The following RGS9 variants were observed in gnomAD, a reference collection of about 807,000 sequenced individuals.
RGS9 encodes regulator of G protein signaling 9.
RGS9 carries 78 observed loss-of-function variants against 102.0 expected under a neutral mutation model. That is an observed-to-expected ratio of 0.76 (90% CI 0.64 to 0.92). The LOEUF is 0.92. Ranked by LOEUF, RGS9 falls within the 40% of genes least tolerant of loss-of-function variation. RGS9 has a pLI of 0.00. For missense variants in RGS9, 833 were observed against 866.1 expected (o/e 0.96, Z 0.48); for synonymous variants, 353 against 318.6 (o/e 1.11, Z -1.15).
chr17:65,145,318 C>G (rs1209617552), intron 1 of RGS9, among the ~76,000 whole-genome samples: 1 of 152,002 alleles, frequency 6.6e-6, no homozygotes, highest in African/African-American at 2.4e-5. Flanking sequence ...GTCTCAAACT[C>G]CTGACCTCAT....
At chr17:65,178,180 A>T (rs1325308623) in intron 9 of RGS9, among the ~76,000 whole-genome samples, 1 of 152,190 alleles carries the variant, frequency 6.6e-6, no homozygotes, top group Non-Finnish European at 1.5e-5. Context: ...CAGTTCCTTG[A>T]TCCTGAGGAG....
At chr17:65,186,374 C>A (rs2144055428) in intron 9 of RGS9, among the ~76,000 whole-genome samples, 1 of 151,722 alleles carries the variant, frequency 6.6e-6, no homozygotes, top group East Asian at 1.9e-4. Context: ...CATCACCATG[C>A]CCGGCTAATT....
intron 1 of RGS9, among the ~76,000 whole-genome samples, chr17:65,144,738 GA>G (rs1910289121): frequency 1.3e-5 from 2 of 152,130 alleles, no homozygotes. Flanking sequence ...GAGAACTTGG[GA>G]AACAGTTCAG....
chr17:65,163,325 C>G (rs1213066157), intron 7 of RGS9, among the ~76,000 whole-genome samples: 1 of 151,546 alleles, frequency 6.6e-6, no homozygotes, highest in Non-Finnish European at 1.5e-5. Flanking sequence ...AGGCACCCAG[C>G]ACCATGCCTG....
chr17:65,218,883 G>A (rs1913603898), intron 17 of RGS9, among the ~76,000 whole-genome samples: 2 of 152,264 alleles, frequency 1.3e-5, no homozygotes, highest in African/African-American at 4.8e-5. Context: ...TCACCAGTGA[G>A]CAAGAGAGAC....
At chr17:65,156,988 A>G (rs1170249294) in intron 2 of RGS9, among the ~76,000 whole-genome samples, 1 of 152,112 alleles carries the variant, frequency 6.6e-6, no homozygotes, top group East Asian at 1.9e-4. Flanking sequence ...GCATGAAGGG[A>G]AGAATTACAG....
intron 1 of RGS9, among the ~76,000 whole-genome samples, chr17:65,142,414 A>G (rs1322769061): frequency 1.3e-5 from 2 of 152,190 alleles, no homozygotes; most frequent in Non-Finnish European, 2.9e-5. Context: ...ATATGCTAGA[A>G]AGATGATTCT....
In RGS9 at chr17:65,219,210, C is replaced by T. The variant is rs540137557; in HGVS notation, c.1408-5792C>T. On this transcript the variant is annotated intron_variant, in intron 17 of 18. Coordinates refer to ENST00000262406, the MANE Select transcript of RGS9 (RefSeq NM_003835.4). ...TCAACTCCAGGTATCAGCTCTTTTCCACCTTGCACCTCCCTCTCCCCAACA... is the reference window on the plus strand; with the variant it reads ...TCAACTCCAGGTATCAGCTCTTTTCTACCTTGCACCTCCCTCTCCCCAACA... Among the ~76,000 whole-genome samples the T allele has an allele frequency of 9.2e-5, 14 of 152,296 alleles. No individual in the cohort carries two copies. The South Asian group carries it at 2.1e-3, about 23-fold the overall frequency.
rs78743706 is a variant in RGS9, at chr17:65,194,725, G to A, written c.860+1069G>A. Among the ~76,000 whole-genome samples, 891 of 152,250 alleles carry A rather than the reference G, an allele frequency of 5.9e-3. 7 individuals carry two copies. Among genetic ancestry groups the A allele is most frequent in the African/African-American group, 0.021 (853 of 41,536 alleles). ...AAGGGTGTAATGGTCAAATTAGAGG[G>A]AGAGAGAGAGGAGGACAGGGGAGAA... On this transcript the variant is annotated intron_variant, in intron 12 of 18. Transcript: ENST00000262406.
chr17:65,198,865 C>T (rs1298067937), intron 13 of RGS9, among the ~76,000 whole-genome samples: 1 of 152,186 alleles, frequency 6.6e-6, no homozygotes, highest in African/African-American at 2.4e-5. Flanking sequence ...ATAATCATCT[C>T]CCTAATCAAG....
chr17:65,220,575 C>T (rs932570275), intron 17 of RGS9, among the ~76,000 whole-genome samples: 1 of 150,842 alleles, frequency 6.6e-6, no homozygotes, highest in African/African-American at 2.4e-5. Flanking sequence ...TGCTTGGGGG[C>T]GGTGGGGAAG....
chr17:65,170,910 G>T (rs1343704381), intron 8 of RGS9, among the ~76,000 whole-genome samples: 1 of 152,152 alleles, frequency 6.6e-6, no homozygotes, highest in Non-Finnish European at 1.5e-5. Context: ...GCCTGTGGGG[G>T]TGGAAGGTAG....
chr17:65,183,061 AATCT>A (rs68149271), intron 9 of RGS9, among the ~76,000 whole-genome samples: 56,255 of 113,790 alleles, frequency 0.49, 12,324 homozygotes, highest in Non-Finnish European at 0.55. Flanking sequence ...AATTTTTTTA[AATCT>A]ATCTATCTAT....
At position 65,227,658 on chromosome 17, in the gene RGS9, C is replaced by T; in HGVS notation, c.*251C>T. 1 of 548,986 alleles carries T rather than the reference C, an allele frequency of 1.8e-6. No homozygotes were observed. Among genetic ancestry groups the T allele is most frequent in the South Asian group, 2.1e-5 (1 of 48,732 alleles). The allele number at this position is 548,986 out of a possible 1,614,324, so 34.0% of individuals were successfully genotyped here. ...ACGCATGTGGACCAGAAGACTTTCCCTGCTGCCTTAAAACCAATAAAAGGT... is the reference window on the plus strand; with the variant it reads ...ACGCATGTGGACCAGAAGACTTTCCTTGCTGCCTTAAAACCAATAAAAGGT... On this transcript the variant is annotated 3_prime_UTR_variant, in exon 19 of 19. Transcript: ENST00000262406.
chr17:65,204,323 A>G lies in RGS9; in HGVS notation c.1203+22A>G, dbSNP rs76749648. Reference sequence around the variant, plus strand: ...GAAGGTAGGTGGGTCCGTGCTGTGGATACGGGGTCCAGATAGGCTTTCTGT... The same window carrying G: ...GAAGGTAGGTGGGTCCGTGCTGTGGGTACGGGGTCCAGATAGGCTTTCTGT... On this transcript the variant is annotated intron_variant, in intron 15 of 18. Coordinates refer to ENST00000262406, the MANE Select transcript of RGS9 (RefSeq NM_003835.4). The G allele has an allele frequency of 0.089, 143,664 of 1,612,944 alleles. 6,997 individuals carry two copies. The highest frequency in any genetic ancestry group is 0.16 in the Middle Eastern group (946 of 5,818).
intron 1 of RGS9, among the ~76,000 whole-genome samples, chr17:65,147,068 G>A (rs1027472812): frequency 6.6e-6 from 1 of 152,124 alleles, no homozygotes; most frequent in African/African-American, 2.4e-5. Flanking sequence ...CACCCTCCTG[G>A]CGTTGTCCCT....
chr17:65,222,182 C>T (rs1001541734), intron 17 of RGS9, among the ~76,000 whole-genome samples: 2 of 152,234 alleles, frequency 1.3e-5, no homozygotes, highest in Non-Finnish European at 2.9e-5. Flanking sequence ...GGGCCACCTG[C>T]ATTCCTTGAG....
intron 8 of RGS9, among the ~76,000 whole-genome samples, chr17:65,170,077 T>C (rs971216731): frequency 7.0e-6 from 1 of 143,118 alleles, no homozygotes; most frequent in African/African-American, 2.7e-5. Flanking sequence ...TTTTCTGAGA[T>C]GGAGCCTTGC....
rs78836854 is a variant in RGS9, at chr17:65,173,592, G to T, written c.583-4140G>T. Among the ~76,000 whole-genome samples the T allele has an allele frequency of 6.6e-6, 1 of 152,236 alleles. No individual in the cohort carries two copies. The highest frequency in any genetic ancestry group is 2.4e-5 in the African/African-American group (1 of 41,456). ...CTGGTGTTCACAGTTCCTCAGGGTG[G>T]AGGAGGGGAGCTTGCATGTCTCTGA... On this transcript the variant is annotated intron_variant, in intron 8 of 18. Coordinates refer to ENST00000262406, the MANE Select transcript of RGS9 (RefSeq NM_003835.4). The surrounding 1 kb of genome is among the most constrained non-coding windows in gnomAD (Gnocchi z 4.8).
Sources: gnomAD v4.1 joint callset for allele counts (sites outside exome capture counted in the v4.1 genomes callset) on GRCh38, gnomAD v4.1.1 for gene constraint, Gnocchi (gnomAD v3.1) non-coding constraint, MANE v1.5 for transcripts, NCBI Gene and HGNC (gene_info 2026-07-23, HGNC 2026-07-21) for gene names.